Variants in GRM5 observed in about 807,000 individuals in gnomAD.
GRM5 encodes glutamate metabotropic receptor 5.
Under a neutral mutation model 83.1 loss-of-function variants are expected in GRM5, and 19 were observed. That is an observed-to-expected ratio of 0.23 (90% CI 0.16 to 0.34). The LOEUF is 0.34. Ranked by LOEUF, GRM5 falls within the 10% of genes least tolerant of loss-of-function variation. The probability of loss-of-function intolerance (pLI) is 1.00; values close to 1 mark genes in which losing one functional copy is unlikely to be tolerated. For synonymous variants in GRM5, 675 were observed against 633.6 expected, an observed-to-expected ratio of 1.07 and a Z score of -0.98; for missense variants, 1,160 against 1,588.3, an observed-to-expected ratio of 0.73 and a Z score of 4.58.
chr11:88,714,315 G>A (rs1182229174), intron 3 of GRM5, among the ~76,000 whole-genome samples: 1 of 151,930 alleles, frequency 6.6e-6, no homozygotes, highest in Non-Finnish European at 1.5e-5. Flanking sequence ...AGGTTTCTCA[G>A]TGAGCAGTAA....
chr11:89,030,527 G>A (rs1591062844), intron 2 of GRM5, among the ~76,000 whole-genome samples: 1 of 152,082 alleles, frequency 6.6e-6, no homozygotes, highest in East Asian at 1.9e-4. Flanking sequence ...CTGGTAAATG[G>A]TAATTAAAAG....
intron 3 of GRM5, among the ~76,000 whole-genome samples, chr11:88,717,560 T>A (rs540827817): frequency 2.0e-5 from 3 of 152,038 alleles, no homozygotes; most frequent in African/African-American, 7.2e-5. Flanking sequence ...TTGGTTTAAC[T>A]CTTCAGCCCA....
At chr11:88,826,686 C>T (rs1943899775) in intron 3 of GRM5, among the ~76,000 whole-genome samples, 2 of 151,950 alleles carry the variant, frequency 1.3e-5, no homozygotes, top group African/African-American at 4.8e-5. Context: ...ATCTTTAAAG[C>T]ACTAAATAAA....
At chr11:88,865,627 T>C (rs1174756540) in intron 2 of GRM5, among the ~76,000 whole-genome samples, 2 of 151,756 alleles carry the variant, frequency 1.3e-5, no homozygotes, top group Non-Finnish European at 2.9e-5. Context: ...AAAGGCAACC[T>C]ACAGAATGGG....
chr11:88,913,179 G>A (rs957082797), intron 2 of GRM5, among the ~76,000 whole-genome samples: 1 of 152,166 alleles, frequency 6.6e-6, no homozygotes, highest in African/African-American at 2.4e-5. Flanking sequence ...GACCATGTTA[G>A]AAGGTAATGG....
At chr11:88,910,796 A>G (rs641052) in intron 2 of GRM5, among the ~76,000 whole-genome samples, 79,045 of 151,800 alleles carry the variant, frequency 0.52, 21,355 homozygotes, top group South Asian at 0.66. Context: ...ACGTCAATAT[A>G]TAGCCATAGA....
At chr11:88,532,188 G>A (rs1293808811) in intron 8 of GRM5, among the ~76,000 whole-genome samples, 1 of 152,146 alleles carries the variant, frequency 6.6e-6, no homozygotes, top group Non-Finnish European at 1.5e-5. Context: ...AGTCTGGGGA[G>A]TAAGTGGGTA....
intron 2 of GRM5, among the ~76,000 whole-genome samples, chr11:88,943,731 C>T (rs1223874294): frequency 6.6e-6 from 1 of 151,548 alleles, no homozygotes; most frequent in Non-Finnish European, 1.5e-5. Context: ...ATTGAATTTG[C>T]TTTTACCTCA....
chr11:88,958,931 AT>A (rs1938702974), intron 2 of GRM5, among the ~76,000 whole-genome samples: 2 of 152,062 alleles, frequency 1.3e-5, no homozygotes, highest in South Asian at 4.2e-4. Context: ...TTCTTACTTT[AT>A]TTTTAAAAAG....
intron 3 of GRM5, among the ~76,000 whole-genome samples, chr11:88,738,344 A>C (rs754440688): frequency 7.2e-5 from 11 of 152,064 alleles, no homozygotes; most frequent in Non-Finnish European, 1.3e-4. Context: ...AGATTACAGA[A>C]TTGCACTTGA....
chr11:88,744,035 TGTAAGAAGCATACTA>T (rs1461826382), intron 3 of GRM5, among the ~76,000 whole-genome samples: 4 of 152,168 alleles, frequency 2.6e-5, no homozygotes, highest in Non-Finnish European at 4.4e-5. Context: ...GTGAAGTTAA[TGTAAGAAGCATACTA>T]GTAAGGTTCC....
At position 88,736,861 on chromosome 11, in the gene GRM5, T is replaced by C. The variant is rs528061018; in HGVS notation, c.912-83458A>G. ...TATACTAAAAATGAGGCAGCTCAGTTTGACAAGAAAAGTGTTGGAAAAGGT... is the reference window on the plus strand; with the variant it reads ...TATACTAAAAATGAGGCAGCTCAGTCTGACAAGAAAAGTGTTGGAAAAGGT... On this transcript the variant is annotated intron_variant, in intron 3 of 9. Transcript: ENST00000305447. Among the ~76,000 whole-genome samples the C allele has an allele frequency of 7.3e-5, 10 of 137,244 alleles. No individual in the cohort carries two copies. In the South Asian group the frequency reaches 2.1e-3, roughly 29 times the overall value. The allele number at this position is 137,244 out of a possible 152,430, so 90.0% of individuals were successfully genotyped here.
At chr11:88,735,986 C>T (rs1054865284) in intron 3 of GRM5, among the ~76,000 whole-genome samples, 1 of 151,992 alleles carries the variant, frequency 6.6e-6, no homozygotes, top group African/African-American at 2.4e-5. Context: ...TGATTGTTCT[C>T]CCAGAGTTAC....
At chr11:88,955,345 G>C (rs1938577882) in intron 2 of GRM5, among the ~76,000 whole-genome samples, 1 of 152,104 alleles carries the variant, frequency 6.6e-6, no homozygotes, top group Admixed American at 6.6e-5. Flanking sequence ...AAGATCTTAT[G>C]GTGATTATTC....
intron 3 of GRM5, among the ~76,000 whole-genome samples, chr11:88,728,428 C>T (rs774654137): frequency 3.3e-5 from 5 of 151,998 alleles, no homozygotes; most frequent in Admixed American, 6.6e-5. Context: ...GATTCACAAC[C>T]GAATTCTACT....
chr11:88,814,173 G>A (rs1943631430), intron 3 of GRM5, among the ~76,000 whole-genome samples: 1 of 152,186 alleles, frequency 6.6e-6, no homozygotes, highest in African/African-American at 2.4e-5. Context: ...ATTGAACAAT[G>A]TAGGAGAGTA....
intron 3 of GRM5, among the ~76,000 whole-genome samples, chr11:88,840,966 C>G (rs1209694734): frequency 2.0e-5 from 3 of 152,168 alleles, no homozygotes; most frequent in Non-Finnish European, 4.4e-5. Flanking sequence ...ATGTCCAGGT[C>G]TTCTTCTTGT....
intron 9 of GRM5, 112 bp from the exon 10 acceptor site, chr11:88,509,616 ATTCT>A: frequency 1.5e-6 from 1 of 682,304 alleles, no homozygotes; most frequent in Non-Finnish European, 2.5e-6. Context: ...GACTTTTCTC[ATTCT>A]TTCAGGAAAC....
At chr11:88,549,816 G>A (rs147104279) in intron 8 of GRM5, among the ~76,000 whole-genome samples, 5 of 152,138 alleles carry the variant, frequency 3.3e-5, no homozygotes, top group Non-Finnish European at 5.9e-5. Context: ...ATGTATACCC[G>A]CTGAACTCAA....
Sources: allele counts gnomAD v4.1 joint callset (sites outside exome capture counted in the v4.1 genomes callset), GRCh38; gene constraint gnomAD v4.1.1; transcripts MANE v1.5; gene names NCBI Gene and HGNC (gene_info 2026-07-23, HGNC 2026-07-21).